HNRNPR: variants seen among roughly 807,000 people sequenced by gnomAD.
HNRNPR encodes the protein heterogeneous nuclear ribonucleoprotein R.
A neutral mutation model predicts 70.3 loss-of-function variants in HNRNPR; 4 were observed. That is an observed-to-expected ratio of 0.06 (90% CI 0.03 to 0.13). HNRNPR has a LOEUF of 0.13. Ranked by LOEUF, HNRNPR falls within the 10% of genes least tolerant of loss-of-function variation. HNRNPR has a pLI of 1.00. For synonymous variants in HNRNPR, 241 were observed against 267.6 expected (o/e 0.90, Z 0.97); for missense variants, 423 against 788.5 (o/e 0.54, Z 5.55).
chr1:23,317,747 G>C (rs1372583052), intron 8 of HNRNPR, among the ~76,000 whole-genome samples: 3 of 152,132 alleles, frequency 2.0e-5, no homozygotes, highest in Non-Finnish European at 4.4e-5. Context: ...ACTTTGGGAG[G>C]CCAAGGCGGG....
rs749797560 is a variant in HNRNPR, at chr1:23,324,365, G to A, written c.499-633C>T. On this transcript the variant is annotated intron_variant, in intron 5 of 10. Transcript: ENST00000302271. ...GGGTGGATCACAAGGTCAGGAGATC[G>A]AGACTATCCTGGCTAACATGGTGAA... Among the ~76,000 whole-genome samples, 124 of 152,088 alleles carry A rather than the reference G, an allele frequency of 8.2e-4. 1 individual carries two copies. Among genetic ancestry groups the A allele is most frequent in the Non-Finnish European group, 2.8e-4 (19 of 67,984 alleles).
chr1:23,344,148 G>A (rs1415558096), intron 1 of HNRNPR, 63 bp downstream of exon 1: 4 of 144,936 alleles, frequency 2.8e-5, no homozygotes, highest in Non-Finnish European at 6.0e-5. Context: ...CACGGAGCCC[G>A]GGCTGAGTCG....
At chr1:23,333,097 ACTT>A (rs1646308996) in intron 5 of HNRNPR, among the ~76,000 whole-genome samples, 3 of 151,906 alleles carry the variant, frequency 2.0e-5, no homozygotes, top group Non-Finnish European at 4.4e-5. Flanking sequence ...CAGGAGAATC[ACTT>A]GAACCCAGGA....
intron 6 of HNRNPR, among the ~76,000 whole-genome samples, chr1:23,322,531 T>G (rs1645800935): frequency 6.6e-6 from 1 of 152,234 alleles, no homozygotes; most frequent in African/African-American, 2.4e-5. Flanking sequence ...CCACCACACC[T>G]GGCCAATTTT....
chr1:23,340,748 A>G, intron 2 of HNRNPR, 104 bp downstream of exon 2: 2 of 928,820 alleles, frequency 2.2e-6, no homozygotes, highest in Non-Finnish European at 1.6e-6. Flanking sequence ...TCAGCTCTAC[A>G]GATCAGAAAC....
chr1:23,326,400 A>G (rs1016637545), intron 5 of HNRNPR, among the ~76,000 whole-genome samples: 10 of 152,112 alleles, frequency 6.6e-5, no homozygotes, highest in African/African-American at 2.4e-4. Flanking sequence ...CACAGCATCT[A>G]TGTTCTCTTT....
chr1:23,338,797 A>G (rs1646601629), intron 2 of HNRNPR, among the ~76,000 whole-genome samples, 189 bp from the exon 3 acceptor site: 1 of 152,220 alleles, frequency 6.6e-6, no homozygotes, highest in Non-Finnish European at 1.5e-5. Context: ...GAAAATAAAG[A>G]TAAAATGTCA....
chr1:23,313,231 T>C (rs1024312638), intron 9 of HNRNPR, among the ~76,000 whole-genome samples: 2 of 152,218 alleles, frequency 1.3e-5, no homozygotes, highest in Non-Finnish European at 2.9e-5. Context: ...TAAGTAGTTA[T>C]AATGCATTCA....
chr1:23,311,094 AAAAAC>A (rs1394423636), intron 10 of HNRNPR, 28 bp from the exon 11 acceptor site: 1 of 1,609,210 alleles, frequency 6.2e-7, no homozygotes, highest in African/African-American at 1.3e-5. Context: ...GGAGAAAAGA[AAAAAC>A]AAATCAGTTT....
At chr1:23,312,150 T>G (rs966302546) in intron 9 of HNRNPR, among the ~76,000 whole-genome samples, 3 of 152,184 alleles carry the variant, frequency 2.0e-5, no homozygotes, top group Non-Finnish European at 2.9e-5. Flanking sequence ...CTATTGGAGC[T>G]ATCAGTGATT....
intron 5 of HNRNPR, among the ~76,000 whole-genome samples, chr1:23,332,667 TC>T (rs2148446554): frequency 7.5e-6 from 1 of 134,056 alleles, no homozygotes; most frequent in South Asian, 2.3e-4. Context: ...ACCATTGCAC[TC>T]CAGCCTAGGC....
chr1:23,317,184 C>A (rs187172204), intron 8 of HNRNPR, among the ~76,000 whole-genome samples: 2 of 152,230 alleles, frequency 1.3e-5, no homozygotes, highest in Non-Finnish European at 2.9e-5. Context: ...TGAGGCCGGG[C>A]GCAGTGGCTC....
Position 23,323,626 on chromosome 1 carries a change from G to C in HNRNPR, c.605C>G (p.Ser202Cys), listed in dbSNP as rs765657039. 4 of 1,614,090 alleles carry C rather than the reference G, an allele frequency of 2.5e-6. No homozygotes were observed. The highest frequency in any genetic ancestry group is 2.2e-5 in the East Asian group (1 of 44,884). ...AAATGCATACCCTCTATTCTGACCGGACAGTGGATCCATCATAAGACGTAG... is the reference window on the plus strand; with the variant it reads ...AAATGCATACCCTCTATTCTGACCGCACAGTGGATCCATCATAAGACGTAG... ...WDLRLMMDPL[S>C]GQNRGYAFIT... is the part of the protein sequence containing the mutation. Residue 202 changes from serine (S) to cysteine (C), a missense_variant, in exon 6 of 11, where the codon TCC becomes TGC. By Grantham distance (112) the Ser-to-Cys change is moderately radical. Coordinates refer to ENST00000302271, the MANE Select transcript of HNRNPR (RefSeq NM_005826.5).
chr1:23,311,475 T>C (rs777343735), intron 9 of HNRNPR, among the ~76,000 whole-genome samples, 153 bp from the exon 10 acceptor site: 5 of 152,216 alleles, frequency 3.3e-5, no homozygotes, highest in Non-Finnish European at 7.4e-5. Flanking sequence ...GCCAGAAAGT[T>C]AAACACAAAC....
Position 23,318,384 on chromosome 1 carries a change from A to T in HNRNPR, c.1017+99T>A. The T allele has an allele frequency of 9.7e-7, 1 of 1,030,820 alleles. No homozygotes were observed. Among genetic ancestry groups the T allele is most frequent in the Non-Finnish European group, 1.5e-6 (1 of 688,622 alleles). The allele number at this position is 1,030,820 out of a possible 1,614,324, so 63.9% of individuals were successfully genotyped here. Reference sequence around the variant, plus strand: ...TGCCAAACAGTTGAAGTCTAAAGCTACAATTTCTATTTATCATAAAACTCA... The same window carrying T: ...TGCCAAACAGTTGAAGTCTAAAGCTTCAATTTCTATTTATCATAAAACTCA... On this transcript the variant is annotated intron_variant, in intron 8 of 10. Coordinates refer to ENST00000302271, the MANE Select transcript of HNRNPR (RefSeq NM_005826.5). The surrounding 1 kb of genome is among the most constrained non-coding windows in gnomAD (Gnocchi z 4.2).
intron 1 of HNRNPR, among the ~76,000 whole-genome samples, chr1:23,342,199 G>T (rs543316723): frequency 6.6e-6 from 1 of 152,264 alleles, no homozygotes; most frequent in African/African-American, 2.4e-5. Context: ...CACACTTCCC[G>T]ACAGCTTATC....
At chr1:23,315,082 C>CT (rs1645479057) in intron 8 of HNRNPR, among the ~76,000 whole-genome samples, 1 of 152,032 alleles carries the variant, frequency 6.6e-6, no homozygotes, top group South Asian at 2.1e-4. Context: ...GAGTTCAAGA[C>CT]CAGCCTGGCC....
chr1:23,331,405 T>TTAAAAAAAAA, intron 5 of HNRNPR, among the ~76,000 whole-genome samples: 1 of 127,240 alleles, frequency 7.9e-6, no homozygotes, highest in Non-Finnish European at 1.6e-5. Flanking sequence ...CACAAAAAAT[T>TTAAAAAAAAA]AAAAAAAAAA....
At position 23,310,846 on chromosome 1, in the gene HNRNPR, CTCCTCT is replaced by C; in HGVS notation, c.1504_1509del (p.Arg502_Gly503del). ...GGAGCACCTCGCCCTCCCCTTCCTC[CTCCTCT>C]TCCTCTTACTGCATAGCCATCATCA... On this transcript the variant is annotated inframe_deletion, in exon 11 of 11. Coordinates refer to ENST00000302271, the MANE Select transcript of HNRNPR (RefSeq NM_005826.5). The surrounding 1 kb of genome is among the most constrained non-coding windows in gnomAD (Gnocchi z 6.0). 6.2e-7 allele frequency: 1 copy of C among 1,614,138 alleles called. No individual in the cohort carries two copies. Among genetic ancestry groups the C allele is most frequent in the Non-Finnish European group, 8.5e-7 (1 of 1,180,038 alleles).
Sources: allele counts gnomAD v4.1 joint callset (sites outside exome capture counted in the v4.1 genomes callset), GRCh38; gene constraint gnomAD v4.1.1; non-coding constraint Gnocchi (gnomAD v3.1); transcripts MANE v1.5; gene names NCBI Gene and HGNC (gene_info 2026-07-23, HGNC 2026-07-21).